The following TMEM19 variants were observed in gnomAD, a reference collection of about 807,000 sequenced individuals.
The protein encoded by TMEM19 is transmembrane protein 19.
Under a neutral mutation model 33.6 loss-of-function variants are expected in TMEM19, and 21 were observed. That is an observed-to-expected ratio of 0.62 (90% confidence interval 0.44 to 0.90). The LOEUF (loss-of-function observed/expected upper bound fraction) is 0.90, where lower values mean the gene tolerates loss of function less well. Ranked by LOEUF, TMEM19 falls within the 40% of genes least tolerant of loss-of-function variation. The probability of loss-of-function intolerance (pLI) is 0.00; values close to 1 mark genes in which losing one functional copy is unlikely to be tolerated. For synonymous variants in TMEM19, 149 were observed against 147.5 expected (o/e 1.01, Z -0.07); for missense variants, 402 against 401.8 (o/e 1.00, Z 0.00).
At chr12:71,686,866 C>G (rs566592186) in intron 1 of TMEM19, 56 bp downstream of exon 1, 14 of 1,529,738 alleles carry the variant, frequency 9.2e-6, no homozygotes, top group Non-Finnish European at 1.1e-5. Flanking sequence ...GAAATTAAAA[C>G]CATACCATTG....
chr12:71,697,155 T>C (rs1592621698), intron 3 of TMEM19, 125 bp from the exon 4 acceptor site: 2 of 1,334,878 alleles, frequency 1.5e-6, no homozygotes, highest in East Asian at 2.7e-5. Context: ...ATAACACTTT[T>C]ACTGTTTTTA....
Position 71,701,717 on chromosome 12 carries a change from T to G in TMEM19, c.*722T>G, listed in dbSNP as rs1013491828. ...ATAACTTACTATATGTTTCAGTTGC[T>G]CTCTGAACAAAAATTATCTTCAATT... On this transcript the variant is annotated 3_prime_UTR_variant, in exon 6 of 6. Coordinates refer to ENST00000266673, the MANE Select transcript of TMEM19 (RefSeq NM_018279.4). 1 of 152,230 alleles carries G rather than the reference T, an allele frequency of 6.6e-6. No homozygotes were observed. The highest frequency in any genetic ancestry group is 1.5e-5 in the Non-Finnish European group (1 of 68,034). The allele number at this position is 152,230 out of a possible 1,614,324, so 9.4% of individuals were successfully genotyped here.
rs1367503137 is a variant in TMEM19, at chr12:71,704,128, C to G, written c.*3133C>G. ...CAGATATATGTGGCTTGGGGCAGCT[C>G]CTGAAGAAGACTTGCAGGAGTAGCA... is the stretch of plus-strand genomic sequence containing the variant. On this transcript the variant is annotated 3_prime_UTR_variant, in exon 6 of 6. Coordinates refer to ENST00000266673, the MANE Select transcript of TMEM19 (RefSeq NM_018279.4). 3.9e-6 allele frequency: 1 copy of G among 258,502 alleles called. No homozygotes were observed. The highest frequency in any genetic ancestry group is 2.3e-5 in the African/African-American group (1 of 44,370). The allele number at this position is 258,502 out of a possible 1,614,324, so 16.0% of individuals were successfully genotyped here. A position where few individuals can be genotyped will look rare whatever the true frequency, so the allele number is the denominator to read the frequency against.
chr12:71,697,594 A>T, intron 4 of TMEM19, 60 bp downstream of exon 4: 1 of 1,499,920 alleles, frequency 6.7e-7, no homozygotes, highest in Non-Finnish European at 8.8e-7. Context: ...TTGATTTGAG[A>T]TTCTTTAAAA....
intron 4 of TMEM19, among the ~76,000 whole-genome samples, chr12:71,698,652 AG>A (rs2137599111): frequency 7.0e-6 from 1 of 142,686 alleles, no homozygotes; most frequent in Admixed American, 7.2e-5. Context: ...AGAGAGAGAG[AG>A]AGAGAGAAGC....
At chr12:71,699,399 G>C (rs1035535118) in intron 5 of TMEM19, 2 of 538,770 alleles carry the variant, frequency 3.7e-6, no homozygotes, top group African/African-American at 1.9e-5. Context: ...AGAAAAGCAA[G>C]ACGTTTGGGA....
rs773253602 is a variant in TMEM19 at position 71,686,712 on chromosome 12, G to T, written c.32G>T (p.Arg11Ile). The T allele has an allele frequency of 3.1e-6, 5 of 1,611,270 alleles. No individual in the cohort carries two copies. In the East Asian group the frequency reaches 6.7e-5, roughly 22 times the overall value. ...GATCTTAACGACAATATATGCAAAA[G>T]ATATATAAAGATGATAACTAATATA... MTDLNDNICKRYIKMITNIVI... is the reference protein window; with the variant it reads MTDLNDNICKIYIKMITNIVI... Residue 11 changes from arginine to isoleucine, a missense_variant, in exon 1 of 6, where the codon AGA becomes ATA. Coordinates refer to ENST00000266673, the MANE Select transcript of TMEM19 (RefSeq NM_018279.4).
In TMEM19 at chr12:71,697,453, G is replaced by A; in HGVS notation, c.556G>A (p.Asp186Asn). 1 of 1,609,180 alleles carries A rather than the reference G, an allele frequency of 6.2e-7. No homozygotes were observed. Among genetic ancestry groups the A allele is most frequent in the Non-Finnish European group, 8.5e-7 (1 of 1,178,270 alleles). Residue 186 changes from aspartate (D) to asparagine (N), a missense_variant, in exon 4 of 6, where the codon GAC (aspartate) becomes AAC (asparagine). By Grantham distance (23) the Asp-to-Asn change is conservative (BLOSUM62 1). Transcript: ENST00000266673. ...GGCTGCACTGGCCTGCTCTGCTGGA[G>A]ACACATGGGCTTCAGAAGTTGGCCC... ...LLAALACSAG[D>N]TWASEVGPVL...
In TMEM19 at chr12:71,695,179, C is replaced by T. The variant is rs78532852; in HGVS notation, c.245-1257C>T. Among the ~76,000 whole-genome samples, 609 of 152,290 alleles carry T rather than the reference C, an allele frequency of 4.0e-3. 5 individuals are homozygous for T. Among genetic ancestry groups the T allele is most frequent in the African/African-American group, 0.014 (568 of 41,562 alleles). On this transcript the variant is annotated intron_variant, in intron 2 of 5. Coordinates refer to ENST00000266673, the MANE Select transcript of TMEM19 (RefSeq NM_018279.4). ...CATAGGTAGGAGTTGCCAAAAGTTC[C>T]AAGCGATCTTTACACTGCATGAAAG...
chr12:71,698,654 AG>A (rs1702257463), intron 4 of TMEM19, among the ~76,000 whole-genome samples: 1 of 142,440 alleles, frequency 7.0e-6, no homozygotes, highest in Admixed American at 7.0e-5. Flanking sequence ...AGAGAGAGAG[AG>A]AGAGAAGCAG....
Position 71,701,068 on chromosome 12 carries a change from A to G in TMEM19, c.*73A>G. On this transcript the variant is annotated 3_prime_UTR_variant, in exon 6 of 6. Coordinates refer to ENST00000266673, the MANE Select transcript of TMEM19 (RefSeq NM_018279.4). Reference sequence around the variant, plus strand: ...TGCAATTCCAACTTTCATCCTAAGAATAATAACTGTAATGGCAAAGCGGAA... The same window carrying G: ...TGCAATTCCAACTTTCATCCTAAGAGTAATAACTGTAATGGCAAAGCGGAA... 7.0e-7 allele frequency: 1 copy of G among 1,423,506 alleles called. No homozygotes were observed. The highest frequency in any genetic ancestry group is 2.4e-5 in the East Asian group (1 of 41,068). 88.2% of individuals were successfully genotyped at this position (1,423,506 alleles called of 1,614,324 possible). A position where few individuals can be genotyped will look rare whatever the true frequency, so the allele number is the denominator to read the frequency against.
intron 1 of TMEM19, among the ~76,000 whole-genome samples, chr12:71,688,216 C>T (rs1453224867): frequency 1.3e-5 from 2 of 152,084 alleles, no homozygotes; most frequent in Non-Finnish European, 2.9e-5. Context: ...TTGTTGAATG[C>T]TTGGGCCCTC....
At chr12:71,686,880 A>T (rs910805080) in intron 1 of TMEM19, 70 bp downstream of exon 1, 2 of 1,470,864 alleles carry the variant, frequency 1.4e-6, no homozygotes, top group Non-Finnish European at 1.8e-6. Flanking sequence ...ACCATTGTGA[A>T]ATCCAAAACT....
chr12:71,704,256 CAT>C lies in TMEM19; in HGVS notation c.*3266_*3267del, dbSNP rs886718482. 2 of 187,312 alleles carry C rather than the reference CAT, an allele frequency of 1.1e-5. No homozygotes were observed. Among genetic ancestry groups the C allele is most frequent in the African/African-American group, 2.3e-5 (1 of 42,650 alleles). 11.6% of individuals were successfully genotyped at this position (187,312 alleles called of 1,614,324 possible). A position where few individuals can be genotyped will look rare whatever the true frequency, so the allele number is the denominator to read the frequency against. On this transcript the variant is annotated 3_prime_UTR_variant, in exon 6 of 6. Transcript: ENST00000266673. ...CATTACTTGAGTTATCTGTTTCTCA[CAT>C]ATATCTTTCCTGTTTCTAGCTGCTG...
rs1881931553 is a variant in TMEM19 at position 71,699,073 on chromosome 12, G to A, written c.811G>A (p.Val271Met). Residue 271 changes from valine (V) to methionine (M), a missense_variant, in exon 5 of 6, where the codon GTG becomes ATG. Physicochemically the swap from Val to Met is conservative, Grantham distance 21. Coordinates refer to ENST00000266673, the MANE Select transcript of TMEM19 (RefSeq NM_018279.4). Reference sequence around the variant, plus strand: ...TTTAGCTGGATTACTAGGATCAATTGTGGACTCATACTTAGGGGCTACAAT... The same window carrying A: ...TTTAGCTGGATTACTAGGATCAATTATGGACTCATACTTAGGGGCTACAAT... Reference protein sequence around the residue: ...GGLAGLLGSIVDSYLGATMQY... With the variant: ...GGLAGLLGSIMDSYLGATMQY... The A allele has an allele frequency of 6.2e-7, 1 of 1,614,014 alleles. No individual in the cohort carries two copies. Among genetic ancestry groups the A allele is most frequent in the South Asian group, 1.1e-5 (1 of 91,088 alleles).
chr12:71,686,796 C>T lies in TMEM19; in HGVS notation c.116C>T (p.Ala39Val). 1 of 1,610,446 alleles carries T rather than the reference C, an allele frequency of 6.2e-7. No individual in the cohort carries two copies. Among genetic ancestry groups the T allele is most frequent in the Non-Finnish European group, 8.5e-7 (1 of 1,178,888 alleles). ...GCTTTCTGGATTATATCAATGACTG[C>T]AAGCACCTATTATGGTAAGTCTGAG... ...SLAFWIISMT[A>V]STYYGNLRPI... The change falls in exon 1 of 6, where the codon GCA becomes GTA. Residue 39 changes from alanine to valine, a missense_variant. Physicochemically the swap from Ala to Val is moderately conservative, Grantham distance 64 (BLOSUM62 0). Transcript: ENST00000266673.
intron 2 of TMEM19, chr12:71,690,352 C>G (rs1881764598): frequency 6.6e-6 from 1 of 152,178 alleles, no homozygotes; most frequent in African/African-American, 2.4e-5. Flanking sequence ...CAGGGTTTCG[C>G]CATGTTGACC....
chr12:71,697,801 G>A (rs544153514), intron 4 of TMEM19, among the ~76,000 whole-genome samples: 3 of 152,122 alleles, frequency 2.0e-5, no homozygotes, highest in Non-Finnish European at 4.4e-5. Context: ...CAGTAGGGAA[G>A]GAAAAGAGAG....
At position 71,689,708 on chromosome 12, in the gene TMEM19, T is replaced by C; in HGVS notation, c.244+4T>C. ...GATCACAGTGGGGCTCTAGGAGGTA[T>C]GTTTTTATTTTGAATGTTTACAGTA... On this transcript the variant is annotated splice_donor_region_variant and intron_variant, in intron 2 of 5. Transcript: ENST00000266673. 6.3e-7 allele frequency: 1 copy of C among 1,598,656 alleles called. No individual in the cohort carries two copies. The highest frequency in any genetic ancestry group is 8.6e-7 in the Non-Finnish European group (1 of 1,168,382).
Sources: allele counts gnomAD v4.1 joint callset (sites outside exome capture counted in the v4.1 genomes callset), GRCh38; gene constraint gnomAD v4.1.1; transcripts MANE v1.5; gene names NCBI Gene and HGNC (gene_info 2026-07-23, HGNC 2026-07-21).